Variants in HCN1 observed in about 807,000 individuals in gnomAD.
HCN1 encodes hyperpolarization activated cyclic nucleotide gated potassium channel 1.
In HCN1, 13 loss-of-function variants were observed where a neutral mutation model predicts 78.9. The observed-to-expected ratio is 0.16, with a 90% CI of 0.11 to 0.26. The LOEUF is 0.26. HCN1 is among the 10% of genes least tolerant of loss of function. HCN1 has a pLI of 1.00. For missense variants in HCN1, 810 were observed against 1,154.3 expected (o/e 0.70, Z 4.32); for synonymous variants, 552 against 455.5 (o/e 1.21, Z -2.70).
chr5:45,413,680 A>C (rs1295251849), intron 3 of HCN1, among the ~76,000 whole-genome samples: 1 of 152,068 alleles, frequency 6.6e-6, no homozygotes. Context: ...GCAATAAATA[A>C]TCATAAGGAT....
Position 45,493,806 on chromosome 5 carries a change from A to C in HCN1, c.850-31799T>G, listed in dbSNP as rs5026524. On this transcript the variant is annotated intron_variant, in intron 2 of 7. Transcript: ENST00000303230. ...TGATGTTCCCCTTCCTGTGTCCATG[A>C]GTTCTCATTGTTCAATTCCCACCTA... is the stretch of plus-strand genomic sequence containing the variant. Among the ~76,000 whole-genome samples, 325 of 138,112 alleles carry C rather than the reference A, an allele frequency of 2.4e-3. 2 individuals carry two copies. The highest frequency in any genetic ancestry group is 8.5e-3 in the African/African-American group (310 of 36,406). The allele number at this position is 138,112 out of a possible 152,430, so 90.6% of individuals were successfully genotyped here.
intron 1 of HCN1, among the ~76,000 whole-genome samples, chr5:45,687,517 G>C (rs1375843515): frequency 2.0e-5 from 3 of 151,862 alleles, no homozygotes; most frequent in Non-Finnish European, 4.4e-5. Context: ...TCCAAGAGCT[G>C]TTTTTTAAAT....
At chr5:45,290,186 C>T (rs1385303335) in intron 6 of HCN1, among the ~76,000 whole-genome samples, 1 of 152,040 alleles carries the variant, frequency 6.6e-6, no homozygotes, top group Non-Finnish European at 1.5e-5. Flanking sequence ...TCTCCTTTGC[C>T]TTCTACCATG....
intron 5 of HCN1, 88 bp from the exon 6 acceptor site, chr5:45,303,927 A>AGGCCGGGCGCGG: frequency 8.9e-7 from 1 of 1,128,746 alleles, no homozygotes; most frequent in Non-Finnish European, 1.3e-6. Flanking sequence ...TATATACAGC[A>AGGCCGGGCGCGG]TAACATTGTA....
At chr5:45,323,727 C>T (rs1214721480) in intron 5 of HCN1, among the ~76,000 whole-genome samples, 2 of 151,898 alleles carry the variant, frequency 1.3e-5, no homozygotes, top group Non-Finnish European at 2.9e-5. Flanking sequence ...CCCCCAACCC[C>T]ACGACAGGCC....
At chr5:45,582,495 A>T (rs369151294) in intron 2 of HCN1, among the ~76,000 whole-genome samples, 1 of 152,040 alleles carries the variant, frequency 6.6e-6, no homozygotes, top group East Asian at 1.9e-4. Context: ...CTCTTTTCCT[A>T]ATTGAATACC....
Position 45,267,259 on chromosome 5 carries a change from AAAAC to A in HCN1, c.1619-10_1619-7del. 6.2e-7 allele frequency: 1 copy of A among 1,613,558 alleles called. No homozygotes were observed. Among genetic ancestry groups the A allele is most frequent in the Non-Finnish European group, 8.5e-7 (1 of 1,179,586 alleles). The stretch of plus-strand genomic sequence containing the variant: ...TTTGGTCAGCAGGCAAATCTCTATA[AAAAC>A]AAACAACAAAGAAGAATGACTTGTT... On this transcript the variant is annotated splice_region_variant and splice_polypyrimidine_tract_variant and intron_variant, in intron 6 of 7. Coordinates refer to ENST00000303230, the MANE Select transcript of HCN1 (RefSeq NM_021072.4).
At chr5:45,582,673 T>C (rs1399657539) in intron 2 of HCN1, among the ~76,000 whole-genome samples, 2 of 152,212 alleles carry the variant, frequency 1.3e-5, no homozygotes, top group Non-Finnish European at 2.9e-5. Context: ...TAGATAGCTC[T>C]TATTATTTTG....
chr5:45,301,264 A>T (rs577919329), intron 6 of HCN1, among the ~76,000 whole-genome samples: 1 of 151,342 alleles, frequency 6.6e-6, no homozygotes, highest in Non-Finnish European at 1.5e-5. Context: ...AAAAAGGGGG[A>T]TAATATAGAA....
intron 3 of HCN1, among the ~76,000 whole-genome samples, chr5:45,446,178 C>T (rs558159013): frequency 2.0e-5 from 3 of 152,232 alleles, no homozygotes; most frequent in Non-Finnish European, 4.4e-5. Context: ...ATAACCAATA[C>T]AGAGAAGTGC....
chr5:45,396,065 A>G (rs1434809493), intron 4 of HCN1, among the ~76,000 whole-genome samples: 1 of 152,130 alleles, frequency 6.6e-6, no homozygotes, highest in Non-Finnish European at 1.5e-5. Flanking sequence ...AATATAAATT[A>G]TGATTATAGA....
chr5:45,315,816 G>T (rs1049405610), intron 5 of HCN1, among the ~76,000 whole-genome samples: 1 of 152,142 alleles, frequency 6.6e-6, no homozygotes, highest in Non-Finnish European at 1.5e-5. Context: ...AAATGTAGAA[G>T]AAATGGATAA....
chr5:45,346,448 G>T (rs1276237873), intron 5 of HCN1, among the ~76,000 whole-genome samples: 5 of 152,176 alleles, frequency 3.3e-5, no homozygotes, highest in Non-Finnish European at 7.3e-5. Context: ...CAGAAGATGG[G>T]TGATTTCTGC....
At chr5:45,476,503 T>G (rs1221319938) in intron 2 of HCN1, among the ~76,000 whole-genome samples, 1 of 152,298 alleles carries the variant, frequency 6.6e-6, no homozygotes, top group South Asian at 2.1e-4. Flanking sequence ...TGACCTTTTT[T>G]TCACCTTACT....
At chr5:45,406,970 T>A (rs1739938938) in intron 3 of HCN1, among the ~76,000 whole-genome samples, 1 of 152,144 alleles carries the variant, frequency 6.6e-6, no homozygotes, top group Admixed American at 6.5e-5. Context: ...GATCAAGCAA[T>A]CTATACAGTT....
chr5:45,646,352 ATTCT>A (rs1249796375), intron 1 of HCN1, among the ~76,000 whole-genome samples: 8 of 148,004 alleles, frequency 5.4e-5, no homozygotes, highest in African/African-American at 1.2e-4. Context: ...TTCCATAAAA[ATTCT>A]TTCTTTCTTT....
At chr5:45,372,037 T>TATATTATATATATAATTAAATTATAC (rs1561127754) in intron 4 of HCN1, among the ~76,000 whole-genome samples, 1 of 53,032 alleles carries the variant, frequency 1.9e-5, no homozygotes, top group Non-Finnish European at 2.9e-5. Context: ...TATAATTATA[T>TATATTATATATATAATTAAATTATAC]ATATATTATA....
rs535222619 is a variant in HCN1, at chr5:45,310,466, T to C, written c.1378-6627A>G. On this transcript the variant is annotated intron_variant, in intron 5 of 7. Coordinates refer to ENST00000303230, the MANE Select transcript of HCN1 (RefSeq NM_021072.4). Reference sequence around the variant, plus strand: ...CATGTAAATCAAAACCACAATGATATACCATCTCACATCAGTCACAATGGT... The same window carrying C: ...CATGTAAATCAAAACCACAATGATACACCATCTCACATCAGTCACAATGGT... Among the ~76,000 whole-genome samples, 8 of 152,138 alleles carry C rather than the reference T, an allele frequency of 5.3e-5. No homozygotes were observed. In the South Asian group the frequency reaches 1.7e-3, roughly 31 times the overall value.
intron 3 of HCN1, among the ~76,000 whole-genome samples, chr5:45,444,855 G>C (rs1561157552): frequency 1.3e-5 from 2 of 151,914 alleles, no homozygotes; most frequent in East Asian, 3.9e-4. Flanking sequence ...ACAATGTGCA[G>C]GTTAGCTACA....
Sources: allele counts gnomAD v4.1 joint callset (sites outside exome capture counted in the v4.1 genomes callset), GRCh38; gene constraint gnomAD v4.1.1; transcripts MANE v1.5; gene names NCBI Gene and HGNC (gene_info 2026-07-23, HGNC 2026-07-21).